Variants in SCML4 observed in about 807,000 individuals in gnomAD.
SCML4 encodes Scm polycomb group protein like 4.
A neutral mutation model predicts 41.1 loss-of-function variants in SCML4; 34 were observed. The observed-to-expected ratio is 0.83, with a 90% CI of 0.63 to 1.10. The LOEUF (loss-of-function observed/expected upper bound fraction) is 1.10. SCML4 is among the 50% of genes least tolerant of loss of function. The probability of loss-of-function intolerance (pLI) is 0.00; values close to 1 mark genes in which losing one functional copy is unlikely to be tolerated. For missense variants in SCML4, 522 were observed against 534.1 expected (o/e 0.98, Z 0.22); for synonymous variants, 214 against 220.9 (o/e 0.97, Z 0.28).
chr6:107,835,264 G>T, the SCML4 span, among the ~76,000 whole-genome samples: 1 of 152,078 alleles, frequency 6.6e-6, no homozygotes, highest in Non-Finnish European at 1.5e-5. Context: ...AGCAGGCTGA[G>T]ATGGGAGGAT....
rs751844295 is a variant in SCML4 at position 107,746,881 on chromosome 6, A to G, written c.295T>C (p.Tyr99His). The G allele has an allele frequency of 6.2e-7, 1 of 1,612,164 alleles. No individual in the cohort carries two copies. The highest frequency in any genetic ancestry group is 2.2e-5 in the East Asian group (1 of 44,846). The stretch of plus-strand genomic sequence containing the variant: ...CCCGCATTGGCCTGCTTGTTGATGT[A>G]GAGGCAGACTGCGGAGACAGAGGTC... ...AAPQALTVCLYINKQANAGPY... is the reference protein window; with the variant it reads ...AAPQALTVCLHINKQANAGPY... The change falls in exon 4 of 8, where the codon TAC becomes CAC. Residue 99 changes from tyrosine to histidine, a missense_variant. Coordinates refer to ENST00000369020, the MANE Select transcript of SCML4 (RefSeq NM_198081.5).
intron 1 of SCML4, among the ~76,000 whole-genome samples, chr6:107,790,470 C>T (rs1782240627): frequency 6.6e-6 from 1 of 152,114 alleles, no homozygotes; most frequent in African/African-American, 2.4e-5. Context: ...CGGGGGTTAG[C>T]CAGCAAACAG....
chr6:107,836,143 C>T, the SCML4 span, among the ~76,000 whole-genome samples: 1 of 152,052 alleles, frequency 6.6e-6, no homozygotes, highest in African/African-American at 2.4e-5. Flanking sequence ...TTAATGTTCC[C>T]ATGCTTTAAG....
intron 6 of SCML4, among the ~76,000 whole-genome samples, chr6:107,716,007 TG>T (rs1774749690): frequency 6.6e-6 from 1 of 151,436 alleles, no homozygotes; most frequent in Admixed American, 6.6e-5. Context: ...GGGTGGGGTG[TG>T]GGGGGACCCA....
At chr6:107,769,951 G>T (rs1328552760) in intron 2 of SCML4, among the ~76,000 whole-genome samples, 5 of 152,130 alleles carry the variant, frequency 3.3e-5, no homozygotes, top group African/African-American at 1.2e-4. Context: ...TTAAAAGTTA[G>T]ACCAAGTAAT....
intron 5 of SCML4, among the ~76,000 whole-genome samples, chr6:107,733,201 T>A (rs1219346133): frequency 6.6e-6 from 1 of 152,220 alleles, no homozygotes; most frequent in Non-Finnish European, 1.5e-5. Context: ...TAAATGTTAT[T>A]TTAAGCCCCT....
intron 5 of SCML4, among the ~76,000 whole-genome samples, chr6:107,733,634 G>T (rs1330126251): frequency 6.6e-6 from 1 of 152,230 alleles, no homozygotes; most frequent in Non-Finnish European, 1.5e-5. Context: ...GCTCAGGGTT[G>T]TGGTCCAGGG....
At chr6:107,739,100 GA>G (rs1777347912) in intron 5 of SCML4, among the ~76,000 whole-genome samples, 1 of 152,080 alleles carries the variant, frequency 6.6e-6, no homozygotes, top group South Asian at 2.1e-4. Flanking sequence ...CTCTACCTGG[GA>G]GAGTGTTCCT....
At chr6:107,720,223 A>G (rs1775229837) in intron 6 of SCML4, 1 of 721,336 alleles carries the variant, frequency 1.4e-6, no homozygotes, top group Non-Finnish European at 1.7e-6. Flanking sequence ...GCTTTTGCCA[A>G]TGAGATGTGA....
chr6:107,705,885 A>G (rs1192439051), intron 7 of SCML4, among the ~76,000 whole-genome samples: 2 of 152,174 alleles, frequency 1.3e-5, no homozygotes, highest in African/African-American at 4.8e-5. Context: ...CAGCACAAAG[A>G]ACTACTAAGA....
chr6:107,769,250 G>A (rs4391294), intron 2 of SCML4, among the ~76,000 whole-genome samples: 119,485 of 152,176 alleles, frequency 0.79, 47,106 homozygotes, highest in East Asian at 0.92. Context: ...ATGTGGCTGC[G>A]AGCCTGGGGC....
chr6:107,722,134 A>G (rs1775493696), intron 5 of SCML4, among the ~76,000 whole-genome samples: 1 of 151,376 alleles, frequency 6.6e-6, no homozygotes, highest in Non-Finnish European at 1.5e-5. Flanking sequence ...GAAGCACCAT[A>G]CCCGGCTAAT....
chr6:107,802,287 G>C lies in SCML4; in HGVS notation c.-60+21839C>G, dbSNP rs150398905. Among the ~76,000 whole-genome samples the C allele has an allele frequency of 3.2e-3, 491 of 152,268 alleles. 2 individuals are homozygous for C. The highest frequency in any genetic ancestry group is 0.011 in the African/African-American group (470 of 41,556). On this transcript the variant is annotated intron_variant, in intron 1 of 7. Coordinates refer to ENST00000369020, the MANE Select transcript of SCML4 (RefSeq NM_198081.5). ...TAGATTAAGGGGGATAGAGCATGAT[G>C]GCAGTGAGCATGTTATTTGACATTG...
upstream of SCML4, among the ~76,000 whole-genome samples, chr6:107,827,335 CTT>C (rs1213545067): frequency 1.4e-5 from 2 of 142,912 alleles, no homozygotes; most frequent in Non-Finnish European, 3.1e-5. Flanking sequence ...TTAAATATAT[CTT>C]TATATTTTTT....
Position 107,765,055 on chromosome 6 carries a change from C to G in SCML4, c.156+7117G>C, listed in dbSNP as rs533638694. On this transcript the variant is annotated intron_variant, in intron 2 of 7. Coordinates refer to ENST00000369020, the MANE Select transcript of SCML4 (RefSeq NM_198081.5). ...AGCAGGGTGAAAACAGACTAATACA[C>G]TATCCTTAAATAAAGTAGGATTCAG... 6.6e-5 allele frequency among the ~76,000 whole-genome samples: 10 copies of G among 152,344 alleles called. No homozygotes were observed. The South Asian group carries it at 1.9e-3, about 28-fold the overall frequency.
intron 7 of SCML4, among the ~76,000 whole-genome samples, chr6:107,706,931 G>A (rs914990164): frequency 6.6e-6 from 1 of 152,188 alleles, no homozygotes; most frequent in Non-Finnish European, 1.5e-5. Context: ...AGCCTTGCTG[G>A]CTGAGCCCAC....
At chr6:107,744,635 C>A (rs6921876) in intron 5 of SCML4, among the ~76,000 whole-genome samples, 36,375 of 152,064 alleles carry the variant, frequency 0.24, 4,861 homozygotes, top group African/African-American at 0.36. Flanking sequence ...GAGGAGAGTG[C>A]AGAAACTTAC....
At chr6:107,800,846 G>A (rs1432744049) in intron 1 of SCML4, among the ~76,000 whole-genome samples, 1 of 152,166 alleles carries the variant, frequency 6.6e-6, no homozygotes, top group Non-Finnish European at 1.5e-5. Context: ...CTACTTGGTG[G>A]CAAGTAGATC....
chr6:107,788,811 A>C (rs545610446), intron 1 of SCML4, among the ~76,000 whole-genome samples: 2 of 152,344 alleles, frequency 1.3e-5, no homozygotes, highest in Admixed American at 1.3e-4. Context: ...TTTCACAAAG[A>C]AAAAGCCCAG....
Sources: gnomAD v4.1 joint callset for allele counts (sites outside exome capture counted in the v4.1 genomes callset) on GRCh38, gnomAD v4.1.1 for gene constraint, MANE v1.5 for transcripts, NCBI Gene and HGNC (gene_info 2026-07-23, HGNC 2026-07-21) for gene names.